ESRRG: variants seen among roughly 807,000 people sequenced by gnomAD.
ESRRG encodes estrogen related receptor gamma, also known as estrogen-related receptor gamma.
ESRRG carries 13 observed loss-of-function variants against 44.0 expected under a neutral mutation model. The ratio of observed to expected loss-of-function variants is 0.30; its 90% CI spans 0.19 to 0.47. The LOEUF is 0.47. ESRRG is among the 20% of genes least tolerant of loss of function. The pLI is 1.00. For missense variants in ESRRG, 395 were observed against 580.6 expected (o/e 0.68, Z 3.29); for synonymous variants, 215 against 214.6 (o/e 1.00, Z -0.02).
intron 3 of ESRRG, among the ~76,000 whole-genome samples, chr1:216,569,455 A>AT (rs1271100722): frequency 6.6e-6 from 1 of 152,054 alleles, no homozygotes; most frequent in Non-Finnish European, 1.5e-5. Flanking sequence ...TTCAAAGGGG[A>AT]TTTTCTGGCA....
intron 1 of ESRRG, among the ~76,000 whole-genome samples, chr1:217,062,836 G>T (rs971798326): frequency 2.6e-5 from 4 of 152,124 alleles, no homozygotes; most frequent in African/African-American, 4.8e-5. Context: ...ACCTGGTTTG[G>T]GTTGTATTTC....
intron 1 of ESRRG, among the ~76,000 whole-genome samples, chr1:217,042,789 A>G (rs2084120572): frequency 6.6e-6 from 1 of 152,172 alleles, no homozygotes. Flanking sequence ...TAAAGCAGCC[A>G]GTAAGCTCTG....
chr1:217,017,478 C>CAAAAAAAAAAAAAAAAAAAAAAAAAAAA (rs55820027), intron 1 of ESRRG, among the ~76,000 whole-genome samples: 1 of 82,490 alleles, frequency 1.2e-5, no homozygotes, highest in Non-Finnish European at 2.4e-5. Context: ...CTACATAACT[C>CAAAAAAAAAAAAAAAAAAAAAAAAAAAA]AAAAAAAAAA....
intron 2 of ESRRG, among the ~76,000 whole-genome samples, chr1:216,891,463 C>T (rs1397603302): frequency 3.9e-5 from 6 of 152,218 alleles, no homozygotes; most frequent in South Asian, 2.1e-4. Flanking sequence ...CACATGCACA[C>T]GCACACATAC....
intron 2 of ESRRG, among the ~76,000 whole-genome samples, chr1:216,865,450 GTTT>G (rs146621724): frequency 0.012 from 1,759 of 151,870 alleles, 30 homozygotes; most frequent in African/African-American, 0.041. Context: ...TACCTTAAGG[GTTT>G]AAGAAACACA....
chr1:216,982,537 G>A (rs1250034635), intron 1 of ESRRG, among the ~76,000 whole-genome samples: 1 of 152,108 alleles, frequency 6.6e-6, no homozygotes, highest in Non-Finnish European at 1.5e-5. Context: ...ACTGGAGGGT[G>A]ACAAGGGCAA....
intron 1 of ESRRG, among the ~76,000 whole-genome samples, chr1:216,997,788 C>T (rs1221336952): frequency 3.9e-5 from 6 of 152,134 alleles, no homozygotes; most frequent in Admixed American, 3.3e-4. Context: ...CCATACAATG[C>T]TAGCAAATAT....
At chr1:216,753,034 A>G (rs913051172) in intron 2 of ESRRG, among the ~76,000 whole-genome samples, 2 of 152,088 alleles carry the variant, frequency 1.3e-5, no homozygotes, top group Non-Finnish European at 2.9e-5. Context: ...GTAAGTTTAT[A>G]CCAGGATGAT....
At chr1:216,898,629 AAATT>A (rs1041378279) in intron 2 of ESRRG, among the ~76,000 whole-genome samples, 7 of 151,808 alleles carry the variant, frequency 4.6e-5, no homozygotes, top group African/African-American at 1.7e-4. Flanking sequence ...AAAAATAAAT[AAATT>A]AATTAATTAA....
intron 2 of ESRRG, among the ~76,000 whole-genome samples, chr1:216,788,607 T>C (rs1302830068): frequency 6.6e-6 from 1 of 152,170 alleles, no homozygotes; most frequent in Non-Finnish European, 1.5e-5. Flanking sequence ...ACAACATCTA[T>C]TCTGTAGCCT....
At chr1:216,689,927 T>C (rs1164224149) in intron 1 of ESRRG, among the ~76,000 whole-genome samples, 2 of 152,100 alleles carry the variant, frequency 1.3e-5, no homozygotes, top group Non-Finnish European at 2.9e-5. Flanking sequence ...TTTCAGTTTT[T>C]CACACACATA....
At chr1:216,943,952 C>G (rs1041024341) in intron 1 of ESRRG, among the ~76,000 whole-genome samples, 3 of 152,016 alleles carry the variant, frequency 2.0e-5, no homozygotes, top group African/African-American at 4.8e-5. Context: ...TCAGCTCCCC[C>G]CTGCCAGGAA....
chr1:217,054,722 C>T (rs17045097), intron 1 of ESRRG, among the ~76,000 whole-genome samples: 7,252 of 151,800 alleles, frequency 0.048, 197 homozygotes, highest in Middle Eastern at 0.075. Context: ...TAAAATACTA[C>T]GCCTTAGCAA....
intron 2 of ESRRG, among the ~76,000 whole-genome samples, chr1:216,851,137 C>G (rs759717123): frequency 1.3e-4 from 19 of 151,102 alleles, no homozygotes; most frequent in Non-Finnish European, 2.7e-4. Context: ...TTTCTGAACC[C>G]TTAGAATCCT....
At chr1:216,510,166 A>G (rs2042295409) in intron 6 of ESRRG, among the ~76,000 whole-genome samples, 1 of 152,200 alleles carries the variant, frequency 6.6e-6, no homozygotes, top group African/African-American at 2.4e-5. Flanking sequence ...ACTGGGCCCA[A>G]GTCTAGATCT....
Position 216,709,324 on chromosome 1 carries a change from T to C in ESRRG, c.56+13920A>G, listed in dbSNP as rs111931724. ...ATGTACATGTGTGTACAGATATATA[T>C]GTGTATGTGTGTGTGTGTGTATATA... On this transcript the variant is annotated intron_variant, in intron 1 of 6. Transcript: ENST00000408911. Among the ~76,000 whole-genome samples, 182 of 92,248 alleles carry C rather than the reference T, an allele frequency of 2.0e-3. 1 individual carries two copies. Among genetic ancestry groups the C allele is most frequent in the African/African-American group, 6.8e-3 (175 of 25,792 alleles). 60.5% of individuals were successfully genotyped at this position (92,248 alleles called of 152,430 possible).
intron 1 of ESRRG, among the ~76,000 whole-genome samples, chr1:217,050,325 T>A (rs1349005561): frequency 6.6e-6 from 1 of 152,186 alleles, no homozygotes; most frequent in Non-Finnish European, 1.5e-5. Flanking sequence ...AAGATCTTGA[T>A]AAAATATAGC....
chr1:216,983,842 G>T (rs2074412937), intron 1 of ESRRG, among the ~76,000 whole-genome samples: 1 of 151,916 alleles, frequency 6.6e-6, no homozygotes, highest in East Asian at 1.9e-4. Flanking sequence ...ACGATAACCT[G>T]CCTGCTAATT....
At chr1:217,121,678 C>A (rs530589769) in intron 1 of ESRRG, among the ~76,000 whole-genome samples, 1 of 152,268 alleles carries the variant, frequency 6.6e-6, no homozygotes, top group East Asian at 1.9e-4. Flanking sequence ...TGGCCATTAA[C>A]CAAGTCAGGA....
Sources: gnomAD v4.1 joint callset for allele counts (sites outside exome capture counted in the v4.1 genomes callset) on GRCh38, gnomAD v4.1.1 for gene constraint, MANE v1.5 for transcripts, NCBI Gene and HGNC (gene_info 2026-07-23, HGNC 2026-07-21) for gene names.